Variants in DCLK1 observed in about 807,000 individuals in gnomAD.
DCLK1 encodes the protein serine/threonine-protein kinase DCLK1.
Under a neutral mutation model 86.2 loss-of-function variants are expected in DCLK1, and 16 were observed. That is an observed-to-expected ratio of 0.19 (90% CI 0.13 to 0.28). The LOEUF is 0.28. DCLK1 is among the 10% of genes least tolerant of loss of function. The pLI, the probability that DCLK1 is intolerant of heterozygous loss-of-function variation, is 1.00. For synonymous variants in DCLK1, 369 were observed against 370.5 expected (o/e 1.00, Z 0.05); for missense variants, 590 against 940.2 (o/e 0.63, Z 4.87).
At chr13:36,004,779 T>G (rs1880875904) in intron 3 of DCLK1, among the ~76,000 whole-genome samples, 1 of 152,158 alleles carries the variant, frequency 6.6e-6, no homozygotes, top group Admixed American at 6.5e-5. Flanking sequence ...GGTTTTGCCA[T>G]GTTGTCCAGG....
intron 3 of DCLK1, among the ~76,000 whole-genome samples, chr13:36,006,498 C>T (rs967971772): frequency 1.3e-5 from 2 of 152,220 alleles, no homozygotes; most frequent in African/African-American, 4.8e-5. Flanking sequence ...TTTAGCAATT[C>T]AAGGCCCTCT....
intron 4 of DCLK1, among the ~76,000 whole-genome samples, chr13:35,881,132 G>A (rs1012048190): frequency 2.0e-5 from 3 of 152,164 alleles, no homozygotes; most frequent in Admixed American, 1.3e-4. Context: ...CAGCCTACCA[G>A]AAGGTAGCAC....
At chr13:36,045,374 A>T (rs1378579527) in intron 3 of DCLK1, among the ~76,000 whole-genome samples, 7 of 124,774 alleles carry the variant, frequency 5.6e-5, no homozygotes, top group African/African-American at 2.0e-4. Context: ...ATATATATAT[A>T]TATTTCAAGG....
chr13:36,013,731 T>C (rs370827825), intron 3 of DCLK1, among the ~76,000 whole-genome samples: 65 of 152,254 alleles, frequency 4.3e-4, no homozygotes, highest in South Asian at 2.1e-3. Context: ...GCAGGCAGGC[T>C]TCCTTGAGCT....
chr13:35,963,867 C>T lies in DCLK1; in HGVS notation c.724-16410G>A, dbSNP rs188416022. 3.9e-5 allele frequency among the ~76,000 whole-genome samples: 6 copies of T among 152,198 alleles called. No individual in the cohort carries two copies. The East Asian group carries it at 1.2e-3, about 30-fold the overall frequency. ...AATTGTAAGTTTCCTGAGGCCTCCC[C>T]AGCAATGCAGAACTCTGAGTCAACT... is the stretch of plus-strand genomic sequence containing the variant. On this transcript the variant is annotated intron_variant, in intron 3 of 16. Transcript: ENST00000360631.
At chr13:35,937,622 T>C (rs530488694) in intron 4 of DCLK1, among the ~76,000 whole-genome samples, 1 of 152,256 alleles carries the variant, frequency 6.6e-6, no homozygotes, top group South Asian at 2.1e-4. Flanking sequence ...TTTACTATCT[T>C]AGGAGGGACC....
At chr13:36,011,452 A>G (rs1207905807) in intron 3 of DCLK1, among the ~76,000 whole-genome samples, 3 of 129,714 alleles carry the variant, frequency 2.3e-5, no homozygotes, top group African/African-American at 6.0e-5. Flanking sequence ...GTTTCAAAGA[A>G]CATCTTTATT....
chr13:36,003,913 TAA>T (rs1403652733), intron 3 of DCLK1, among the ~76,000 whole-genome samples: 1 of 152,238 alleles, frequency 6.6e-6, no homozygotes, highest in Non-Finnish European at 1.5e-5. Flanking sequence ...ATTAAAAATT[TAA>T]GTTTTCTTAT....
In DCLK1 at chr13:36,023,812, T is replaced by A. The variant is rs140189226; in HGVS notation, c.724-76355A>T. 7.9e-5 allele frequency among the ~76,000 whole-genome samples: 12 copies of A among 151,852 alleles called. No individual in the cohort carries two copies. The East Asian group carries it at 2.3e-3, about 30-fold the overall frequency. ...ATCCACAAAAACTCCACAGAGAATA[T>A]CATACTTAATACAGAAATACTGAAA... On this transcript the variant is annotated intron_variant, in intron 3 of 16. Coordinates refer to ENST00000360631, the MANE Select transcript of DCLK1 (RefSeq NM_001330071.2).
At chr13:36,031,622 AT>A (rs1882275670) in intron 3 of DCLK1, among the ~76,000 whole-genome samples, 1 of 152,192 alleles carries the variant, frequency 6.6e-6, no homozygotes, top group Admixed American at 6.5e-5. Flanking sequence ...ATTAAGTACC[AT>A]TTGTTAAGTT....
chr13:35,984,197 G>C (rs954533657), intron 3 of DCLK1, among the ~76,000 whole-genome samples: 2 of 152,192 alleles, frequency 1.3e-5, no homozygotes, highest in South Asian at 4.1e-4. Flanking sequence ...CCTAGGGTGG[G>C]TGTCTGTCTG....
intron 3 of DCLK1, among the ~76,000 whole-genome samples, chr13:36,053,938 G>A (rs1883210467): frequency 6.6e-6 from 1 of 152,150 alleles, no homozygotes; most frequent in African/African-American, 2.4e-5. Flanking sequence ...ATGTGCTGCA[G>A]TTTGGTGTAA....
intron 4 of DCLK1, among the ~76,000 whole-genome samples, chr13:35,903,047 A>G (rs1343185): frequency 2.0e-5 from 3 of 152,152 alleles, no homozygotes; most frequent in African/African-American, 7.2e-5. Context: ...GGGAAAGAAA[A>G]TGGCTCTTCA....
intron 3 of DCLK1, among the ~76,000 whole-genome samples, chr13:35,967,331 C>T (rs1287092790): frequency 6.6e-6 from 1 of 152,148 alleles, no homozygotes; most frequent in Non-Finnish European, 1.5e-5. Context: ...GAGGTGTACC[C>T]AACAGCTCAT....
chr13:36,080,527 G>A lies in DCLK1; in HGVS notation c.723+31342C>T, dbSNP rs116216421. Among the ~76,000 whole-genome samples the A allele has an allele frequency of 9.2e-3, 1,403 of 152,268 alleles. 16 individuals are homozygous for A. Among genetic ancestry groups the A allele is most frequent in the African/African-American group, 0.032 (1,332 of 41,538 alleles). On this transcript the variant is annotated intron_variant, in intron 3 of 16. Coordinates refer to ENST00000360631, the MANE Select transcript of DCLK1 (RefSeq NM_001330071.2). ...ATCTGTCAGTTTCCTTCAGTGGGCT[G>A]AAATTGAATTACTACCTTGCTCCAG...
At chr13:35,946,890 T>A (rs1246522284) in intron 4 of DCLK1, among the ~76,000 whole-genome samples, 1 of 152,142 alleles carries the variant, frequency 6.6e-6, no homozygotes, top group African/African-American at 2.4e-5. Flanking sequence ...TTCTGATACC[T>A]CACAGATGCT....
At chr13:36,081,532 T>A (rs958909277) in intron 3 of DCLK1, among the ~76,000 whole-genome samples, 8 of 152,228 alleles carry the variant, frequency 5.3e-5, no homozygotes, top group Non-Finnish European at 1.2e-4. Context: ...TGTTCCATTT[T>A]AAAAGTCATG....
intron 3 of DCLK1, among the ~76,000 whole-genome samples, chr13:36,057,348 A>C (rs76939637): frequency 0.03 from 4,534 of 152,210 alleles, 230 homozygotes; most frequent in African/African-American, 0.1. Flanking sequence ...TCTTTAAAAA[A>C]CCTGAAGGTA....
chr13:36,106,693 A>G (rs750829414), intron 3 of DCLK1, among the ~76,000 whole-genome samples: 5 of 152,174 alleles, frequency 3.3e-5, no homozygotes. Flanking sequence ...GAAAAATACC[A>G]CTGCTGCTAA....
Sources: allele counts gnomAD v4.1 joint callset (sites outside exome capture counted in the v4.1 genomes callset), GRCh38; gene constraint gnomAD v4.1.1; transcripts MANE v1.5; gene names NCBI Gene and HGNC (gene_info 2026-07-23, HGNC 2026-07-21).